HIC1: variants seen among roughly 807,000 people sequenced by gnomAD.
HIC1 encodes the protein HIC ZBTB transcriptional repressor 1.
In HIC1, 9 loss-of-function variants were observed where a neutral mutation model predicts 26.4. That is an observed-to-expected ratio of 0.34 (90% CI 0.21 to 0.59). HIC1 has a LOEUF of 0.59. HIC1 is among the 20% of genes least tolerant of loss of function. HIC1 has a pLI of 0.82. For synonymous variants in HIC1, 631 were observed against 523.1 expected, an observed-to-expected ratio of 1.21 and a Z score of -2.81; for missense variants, 965 against 1,075.7, an observed-to-expected ratio of 0.90 and a Z score of 1.44.
In HIC1 at chr17:2,062,421, C is replaced by T. The variant is rs2067809418; in HGVS notation, c.*3586C>T. 1 of 152,158 alleles carries T rather than the reference C, an allele frequency of 6.6e-6. No individual in the cohort carries two copies. The allele number at this position is 152,158 out of a possible 1,614,324, so 9.4% of individuals were successfully genotyped here. ...CCTTTTTTTCCTACAGCATCATGATCATATTAGCCACACTTTCAGAGTATA... is the reference window on the plus strand; with the variant it reads ...CCTTTTTTTCCTACAGCATCATGATTATATTAGCCACACTTTCAGAGTATA... On this transcript the variant is annotated 3_prime_UTR_variant, in exon 2 of 2. Coordinates refer to ENST00000619757, the MANE Select transcript of HIC1 (RefSeq NM_006497.4).
Position 2,061,745 on chromosome 17 carries a change from T to C in HIC1, c.*2910T>C. 1 of 1,147,386 alleles carries C rather than the reference T, an allele frequency of 8.7e-7. No individual in the cohort carries two copies. Among genetic ancestry groups the C allele is most frequent in the African/African-American group, 1.5e-5 (1 of 65,434 alleles). 71.1% of individuals were successfully genotyped at this position (1,147,386 alleles called of 1,614,324 possible). A position where few individuals can be genotyped will look rare whatever the true frequency, so the allele number is the denominator to read the frequency against. On this transcript the variant is annotated 3_prime_UTR_variant, in exon 2 of 2. Coordinates refer to ENST00000619757, the MANE Select transcript of HIC1 (RefSeq NM_006497.4). ...GCCACGCTAGCCGTGTCTTGGCTCT[T>C]CTACCAGTCCTTTCCTCCGTCCGGG...
Position 2,057,383 on chromosome 17 carries a change from G to C in HIC1, c.693G>C (p.Pro231=). 6.9e-7 allele frequency: 1 copy of C among 1,445,206 alleles called. No individual in the cohort carries two copies. The highest frequency in any genetic ancestry group is 9.0e-7 in the Non-Finnish European group (1 of 1,105,796). 89.5% of individuals were successfully genotyped at this position (1,445,206 alleles called of 1,614,324 possible). ...CGLDLSKKSP[P]GSAAPERPLA... The stretch of plus-strand genomic sequence containing the variant: ...TGGACCTGTCCAAGAAGAGCCCGCC[G>C]GGCTCCGCGGCGCCAGAGCGGCCGC... The change falls in exon 2 of 2, where the codon CCG becomes CCC. Residue 231 remains proline, a synonymous_variant. Transcript: ENST00000619757.
Position 2,061,546 on chromosome 17 carries a change from C to T in HIC1, c.*2711C>T, listed in dbSNP as rs867547820. ...CTGGGATGTCCCGTACAGGAACATTCCTTGTGAGCGCCTTCACACGCAGGT... is the reference window on the plus strand; with the variant it reads ...CTGGGATGTCCCGTACAGGAACATTTCTTGTGAGCGCCTTCACACGCAGGT... On this transcript the variant is annotated 3_prime_UTR_variant, in exon 2 of 2. Coordinates refer to ENST00000619757, the MANE Select transcript of HIC1 (RefSeq NM_006497.4). The T allele has an allele frequency of 1.4e-5, 22 of 1,574,470 alleles. No homozygotes were observed. The highest frequency in any genetic ancestry group is 1.7e-4 in the Middle Eastern group (1 of 6,002).
Position 2,058,397 on chromosome 17 carries a change from G to A in HIC1, c.1707G>A (p.Glu569=), listed in dbSNP as rs1445434029. ...AGCACATGCGCATCCACTCGGGCGA[G>A]AAGCCCTACGAGTGCCAGGTGTGCG... is the stretch of plus-strand genomic sequence containing the variant. The part of the protein sequence containing the change: ...LTEHMRIHSG[E]KPYECQVCGG... The change falls in exon 2 of 2, where the codon GAG becomes GAA. Residue 569 remains glutamate, a synonymous_variant. Transcript: ENST00000619757. 1.9e-6 allele frequency: 3 copies of A among 1,610,684 alleles called. No homozygotes were observed. Among genetic ancestry groups the A allele is most frequent in the Admixed American group, 1.7e-5 (1 of 59,874 alleles).
chr17:2,056,890 A>G lies in HIC1; in HGVS notation c.200A>G (p.His67Arg). The change falls in exon 2 of 2, where the codon CAT (histidine) becomes CGT (arginine). Residue 67 changes from histidine (H) to arginine (R), a missense_variant. Coordinates refer to ENST00000619757, the MANE Select transcript of HIC1 (RefSeq NM_006497.4). Reference protein sequence around the residue: ...VVHDNLLNLDHDMVSPAVFRL... With the variant: ...VVHDNLLNLDRDMVSPAVFRL... ...CATGACAACCTGCTCAACCTGGACC[A>G]TGACATGGTGAGCCCGGCCGTGTTC... The G allele has an allele frequency of 6.2e-7, 1 of 1,612,882 alleles. No homozygotes were observed. The highest frequency in any genetic ancestry group is 1.1e-5 in the South Asian group (1 of 91,082).
Position 2,058,926 on chromosome 17 carries a change from C to A in HIC1, c.*91C>A, listed in dbSNP as rs2067704726. On this transcript the variant is annotated 3_prime_UTR_variant, in exon 2 of 2. Transcript: ENST00000619757. ...GGGGCGGCGCGCAGGGCCCACTGTG[C>A]CCGGGACAACCGCAGCGTCGCCACA... 2 of 1,141,602 alleles carry A rather than the reference C, an allele frequency of 1.8e-6. No homozygotes were observed. Among genetic ancestry groups the A allele is most frequent in the African/African-American group, 1.6e-5 (1 of 60,724 alleles). The allele number at this position is 1,141,602 out of a possible 1,614,324, so 70.7% of individuals were successfully genotyped here.
At position 2,058,883 on chromosome 17, in the gene HIC1, G is replaced by A. The variant is rs2067704107; in HGVS notation, c.*48G>A. 7.4e-7 allele frequency: 1 copy of A among 1,357,300 alleles called. No homozygotes were observed. The highest frequency in any genetic ancestry group is 3.1e-5 in the East Asian group (1 of 32,360). The allele number at this position is 1,357,300 out of a possible 1,614,324, so 84.1% of individuals were successfully genotyped here. Reference sequence around the variant, plus strand: ...TGTCGCTGCTGCGCGGCCCTGGCCCGCACCCCAGGGAGCGGCGGGGGCGGC... The same window carrying A: ...TGTCGCTGCTGCGCGGCCCTGGCCCACACCCCAGGGAGCGGCGGGGGCGGC... On this transcript the variant is annotated 3_prime_UTR_variant, in exon 2 of 2. Transcript: ENST00000619757.
At position 2,055,919 on chromosome 17, in the gene HIC1, G is replaced by A. The variant is rs1426731917; in HGVS notation, c.-21+681G>A. On this transcript the variant is annotated intron_variant, in intron 1 of 1. Transcript: ENST00000619757. This position sits in a 1 kb window ranked among gnomAD's most constrained non-coding sequence, Gnocchi z 6.4. ...GGCCCAGGCCGAGGCCGGGACGCGG[G>A]TGGGGCGCAGGCCCGGGTCAGGGCC... Among the ~76,000 whole-genome samples, 1 of 150,624 alleles carries A rather than the reference G, an allele frequency of 6.6e-6. No individual in the cohort carries two copies. The highest frequency in any genetic ancestry group is 2.4e-5 in the African/African-American group (1 of 41,204).
rs1345261508 is a variant in HIC1, at chr17:2,060,477, C to G, written c.*1642C>G. On this transcript the variant is annotated 3_prime_UTR_variant, in exon 2 of 2. Transcript: ENST00000619757. ...GGGTGGAAGGCCCTGGGTGGGAGACCTGTACTAGGTTCCTGCCATGGGTAG... is the reference window on the plus strand; with the variant it reads ...GGGTGGAAGGCCCTGGGTGGGAGACGTGTACTAGGTTCCTGCCATGGGTAG... 6.6e-6 allele frequency: 1 copy of G among 152,268 alleles called. No homozygotes were observed. Among genetic ancestry groups the G allele is most frequent in the Non-Finnish European group, 1.5e-5 (1 of 68,078 alleles). The allele number at this position is 152,268 out of a possible 1,614,324, so 9.4% of individuals were successfully genotyped here. A position where few individuals can be genotyped will look rare whatever the true frequency, so the allele number is the denominator to read the frequency against.
At position 2,056,874 on chromosome 17, in the gene HIC1, C is replaced by G. The variant is rs2067676998; in HGVS notation, c.184C>G (p.Leu62Val). ...CAAGTCCCTGGTGGTGCATGACAAC[C>G]TGCTCAACCTGGACCATGACATGGT... is the stretch of plus-strand genomic sequence containing the variant. ...YLKSLVVHDN[L>V]LNLDHDMVSP... The change falls in exon 2 of 2, where the codon CTG (leucine) becomes GTG (valine). Residue 62 changes from leucine (L) to valine (V), a missense_variant. This residue lies in a region of HIC1 where 64 missense variants were observed against 114.0 expected (regional missense o/e 0.56). Coordinates refer to ENST00000619757, the MANE Select transcript of HIC1 (RefSeq NM_006497.4). 1 of 1,612,940 alleles carries G rather than the reference C, an allele frequency of 6.2e-7. No homozygotes were observed. The highest frequency in any genetic ancestry group is 8.5e-7 in the Non-Finnish European group (1 of 1,179,930).
Position 2,055,599 on chromosome 17 carries a change from A to C in HIC1, c.-21+361A>C, listed in dbSNP as rs566491118. Among the ~76,000 whole-genome samples the C allele has an allele frequency of 3.7e-3, 514 of 140,220 alleles. 4 individuals carry two copies. Among genetic ancestry groups the C allele is most frequent in the African/African-American group, 0.011 (417 of 37,080 alleles). 92.0% of individuals were successfully genotyped at this position (140,220 alleles called of 152,430 possible). The stretch of plus-strand genomic sequence containing the variant: ...GCTAAGAGCTGCCACCGCCGCGGGG[A>C]GGGGAGCCCGGCCCGCCGGGACCGC... On this transcript the variant is annotated intron_variant, in intron 1 of 1. Transcript: ENST00000619757. This position sits in a 1 kb window ranked among gnomAD's most constrained non-coding sequence, Gnocchi z 6.4.
chr17:2,056,268 C>T (rs751227842), intron 1 of HIC1: 13 of 1,575,816 alleles, frequency 8.2e-6, no homozygotes, highest in Admixed American at 1.7e-5. Context: ...GCTGGTTCCT[C>T]GGCTCCCTTT....
At position 2,061,183 on chromosome 17, in the gene HIC1, G is replaced by A. The variant is rs1233295748; in HGVS notation, c.*2348G>A. 3.1e-5 allele frequency: 9 copies of A among 292,936 alleles called. No homozygotes were observed. The East Asian group carries it at 5.4e-4, about 18-fold the overall frequency. The allele number at this position is 292,936 out of a possible 1,614,324, so 18.1% of individuals were successfully genotyped here. A position where few individuals can be genotyped will look rare whatever the true frequency, so the allele number is the denominator to read the frequency against. ...CCCTCCCTCAGCCTTGGAATGAGAC[G>A]GGGGAGGGAGAAAGGCTGAGAGCAT... On this transcript the variant is annotated 3_prime_UTR_variant, in exon 2 of 2. Transcript: ENST00000619757.
rs145926620 is a variant in HIC1, at chr17:2,061,465, C to CGG, written c.*2639_*2640dup. 127,409 of 1,227,358 alleles carry CGG rather than the reference C, an allele frequency of 0.1. 543 individuals are homozygous for CGG. Among genetic ancestry groups the CGG allele is most frequent in the East Asian group, 0.13 (3,884 of 29,524 alleles). 76.0% of individuals were successfully genotyped at this position (1,227,358 alleles called of 1,614,324 possible). On this transcript the variant is annotated 3_prime_UTR_variant, in exon 2 of 2. Coordinates refer to ENST00000619757, the MANE Select transcript of HIC1 (RefSeq NM_006497.4). ...TGGTGGCCTTTCAGGAACGGTTCCA[C>CGG]GGGGGGGGGGCCCCAGTGTGGCTCC...
In HIC1 at chr17:2,058,425, G is replaced by A. The variant is rs1244832850; in HGVS notation, c.1735G>A (p.Gly579Ser). The change falls in exon 2 of 2, where the codon GGC becomes AGC. Residue 579 changes from glycine (G) to serine (S), a missense_variant. By Grantham distance (56) the Gly-to-Ser change is moderately conservative. Coordinates refer to ENST00000619757, the MANE Select transcript of HIC1 (RefSeq NM_006497.4). ...GCCCTACGAGTGCCAGGTGTGCGGC[G>A]GCAAGTTCGCACAGCAACGCAACCT... ...EKPYECQVCG[G>S]KFAQQRNLIS... The A allele has an allele frequency of 1.2e-6, 2 of 1,606,438 alleles. No individual in the cohort carries two copies. Among genetic ancestry groups the A allele is most frequent in the African/African-American group, 1.3e-5 (1 of 74,514 alleles).
Position 2,058,078 on chromosome 17 carries a change from T to C in HIC1, c.1388T>C (p.Leu463Pro), listed in dbSNP as rs371934522. Reference sequence around the variant, plus strand: ...GAAGTGGCCGCTGGGGCCGCCGGCCTAGGGCCCCCTTTTGGAGGCGGCGGG... The same window carrying C: ...GAAGTGGCCGCTGGGGCCGCCGGCCCAGGGCCCCCTTTTGGAGGCGGCGGG... ...AAEVAAGAAGLGPPFGGGGDK... is the reference protein window; with the variant it reads ...AAEVAAGAAGPGPPFGGGGDK... The change falls in exon 2 of 2, where the codon CTA (leucine) becomes CCA (proline). Residue 463 changes from leucine (L) to proline (P), a missense_variant. Around this residue, in one of 6 missense-constraint regions of HIC1, gnomAD observed 105 missense variants for 101.4 expected, o/e 1.04. Transcript: ENST00000619757. 1 of 1,585,444 alleles carries C rather than the reference T, an allele frequency of 6.3e-7. No homozygotes were observed. Among genetic ancestry groups the C allele is most frequent in the Admixed American group, 1.8e-5 (1 of 56,168 alleles).
In HIC1 at chr17:2,058,804, G is replaced by A. The variant is rs1212376961; in HGVS notation, c.2114G>A (p.Gly705Asp). ...GCTCACCTGGCGGCCGGGCCCGACG[G>A]CCGGACCATCGACCGTTTCTCTCCC... is the stretch of plus-strand genomic sequence containing the variant. ...QGAHLAAGPD[G>D]RTIDRFSPT Residue 705 changes from glycine to aspartate, a missense_variant, in exon 2 of 2, where the codon GGC (glycine) becomes GAC (aspartate). Gly to Asp is a moderately conservative substitution (Grantham distance 94). Coordinates refer to ENST00000619757, the MANE Select transcript of HIC1 (RefSeq NM_006497.4). The A allele has an allele frequency of 1.3e-6, 2 of 1,499,252 alleles. No homozygotes were observed. Among genetic ancestry groups the A allele is most frequent in the Non-Finnish European group, 8.8e-7 (1 of 1,131,196 alleles). The allele number at this position is 1,499,252 out of a possible 1,614,324, so 92.9% of individuals were successfully genotyped here.
chr17:2,059,997 G>A lies in HIC1; in HGVS notation c.*1162G>A, dbSNP rs979543486. 1 of 152,308 alleles carries A rather than the reference G, an allele frequency of 6.6e-6. No individual in the cohort carries two copies. Among genetic ancestry groups the A allele is most frequent in the Non-Finnish European group, 1.5e-5 (1 of 68,098 alleles). 9.4% of individuals were successfully genotyped at this position (152,308 alleles called of 1,614,324 possible). Reference sequence around the variant, plus strand: ...GAGGCCGGGGACCCTGTACTCCAAAGAGCCCAGTCTTCTGAGACTCTAGGG... The same window carrying A: ...GAGGCCGGGGACCCTGTACTCCAAAAAGCCCAGTCTTCTGAGACTCTAGGG... On this transcript the variant is annotated 3_prime_UTR_variant, in exon 2 of 2. Coordinates refer to ENST00000619757, the MANE Select transcript of HIC1 (RefSeq NM_006497.4).
In HIC1 at chr17:2,062,903, G is replaced by C. The variant is rs921848045; in HGVS notation, c.*4068G>C. 2 of 152,518 alleles carry C rather than the reference G, an allele frequency of 1.3e-5. No homozygotes were observed. Among genetic ancestry groups the C allele is most frequent in the Non-Finnish European group, 2.9e-5 (2 of 68,198 alleles). 9.4% of individuals were successfully genotyped at this position (152,518 alleles called of 1,614,324 possible). On this transcript the variant is annotated 3_prime_UTR_variant, in exon 2 of 2. Transcript: ENST00000619757. ...TGTGGGGTTGGTGGTGGCGAGAGAA[G>C]AGGACAGGAGGAAGGAGAGTGTGAA...
Sources: allele counts gnomAD v4.1 joint callset (sites outside exome capture counted in the v4.1 genomes callset), GRCh38; gene constraint gnomAD v4.1.1; regional missense constraint gnomAD v4.1.1; non-coding constraint Gnocchi (gnomAD v3.1); transcripts MANE v1.5; gene names NCBI Gene and HGNC (gene_info 2026-07-23, HGNC 2026-07-21).